The following TNNI3K variants were observed in gnomAD, a reference collection of about 807,000 sequenced individuals.
TNNI3K encodes the protein TNNI3 interacting kinase, also known as serine/threonine-protein kinase TNNI3K.
In TNNI3K, 140 loss-of-function variants were observed where a neutral mutation model predicts 114.5. The ratio of observed to expected loss-of-function variants is 1.22; its 90% CI spans 1.07 to 1.41. The LOEUF is 1.41. TNNI3K is among the 40% of genes most tolerant of loss of function. TNNI3K has a pLI of 0.00. For synonymous variants in TNNI3K, 347 were observed against 347.5 expected (o/e 1.00, Z 0.02); for missense variants, 1,125 against 1,007.6 (o/e 1.12, Z -1.58).
At chr1:74,264,770 T>A (rs1403001518) in intron 4 of TNNI3K, among the ~76,000 whole-genome samples, 1 of 151,934 alleles carries the variant, frequency 6.6e-6, no homozygotes, top group Non-Finnish European at 1.5e-5. Context: ...AAACATCTCT[T>A]GGGACAGAGT....
rs114440757 is a variant in TNNI3K, at chr1:74,520,001, A to G, written c.2352-20233A>G. Among the ~76,000 whole-genome samples the G allele has an allele frequency of 4.2e-3, 642 of 152,150 alleles. 6 individuals are homozygous for G. Among genetic ancestry groups the G allele is most frequent in the East Asian group, 0.015 (79 of 5,158 alleles). On this transcript the variant is annotated intron_variant, in intron 23 of 24. Transcript: ENST00000326637. The stretch of plus-strand genomic sequence containing the variant: ...GGATCTTGCCCAAGCTCATTTATGT[A>G]TTTAATTTTTTATTTCCATAAGTTT...
intron 9 of TNNI3K, among the ~76,000 whole-genome samples, chr1:74,351,324 G>A (rs905904995): frequency 6.6e-6 from 1 of 151,312 alleles, no homozygotes; most frequent in African/African-American, 2.4e-5. Context: ...TAGAGTTTCT[G>A]CCGAGAGATC....
At position 74,292,792 on chromosome 1, in the gene TNNI3K, TCA is replaced by T. The variant is rs1176572349; in HGVS notation, c.444+21086_444+21087del. On this transcript the variant is annotated intron_variant, in intron 5 of 24. Transcript: ENST00000326637. ...TTATCAATTTTGTGTTAAAAATTTT[TCA>T]CCATGATTGTAGATCTTGCTGTTTA... is the stretch of plus-strand genomic sequence containing the variant. Among the ~76,000 whole-genome samples the T allele has an allele frequency of 7.9e-5, 12 of 151,790 alleles. No individual in the cohort carries two copies. In the South Asian group the frequency reaches 2.3e-3, roughly 29 times the overall value.
intron 2 of TNNI3K, among the ~76,000 whole-genome samples, chr1:74,244,047 AAT>A (rs1654403797): frequency 6.6e-6 from 1 of 152,182 alleles, no homozygotes; most frequent in Non-Finnish European, 1.5e-5. Flanking sequence ...TGATTGCTTA[AAT>A]ATCTTGAATA....
At chr1:74,472,537 A>T (rs896685609) in intron 21 of TNNI3K, among the ~76,000 whole-genome samples, 1 of 152,142 alleles carries the variant, frequency 6.6e-6, no homozygotes, top group Non-Finnish European at 1.5e-5. Context: ...GTAAATGGCT[A>T]TAGTAATTTT....
intron 2 of TNNI3K, among the ~76,000 whole-genome samples, chr1:74,246,789 T>G (rs984968704): frequency 6.6e-6 from 1 of 152,182 alleles, no homozygotes; most frequent in Non-Finnish European, 1.5e-5. Flanking sequence ...TTTTTCAATA[T>G]GTATGTCCAA....
intron 5 of TNNI3K, among the ~76,000 whole-genome samples, chr1:74,307,432 A>T (rs1658711094): frequency 6.6e-6 from 1 of 152,126 alleles, no homozygotes; most frequent in African/African-American, 2.4e-5. Flanking sequence ...AAGTAACAGG[A>T]TGGAGAAAGA....
intron 23 of TNNI3K, among the ~76,000 whole-genome samples, chr1:74,515,416 A>G (rs1273156148): frequency 1.3e-5 from 2 of 152,190 alleles, no homozygotes; most frequent in Non-Finnish European, 1.5e-5. Flanking sequence ...AAATAAATAT[A>G]TGGTTAACCA....
rs560727770 is a variant in TNNI3K at position 74,527,789 on chromosome 1, C to T, written c.2352-12445C>T. Among the ~76,000 whole-genome samples, 53 of 152,280 alleles carry T rather than the reference C, an allele frequency of 3.5e-4. No individual in the cohort carries two copies. In the East Asian group the frequency reaches 8.5e-3, roughly 24 times the overall value. On this transcript the variant is annotated intron_variant, in intron 23 of 24. Coordinates refer to ENST00000326637, the MANE Select transcript of TNNI3K (RefSeq NM_015978.3). ...CCCTTCCCTTCATGAATGATTTAGTCCAAAACCATTGGACAGGGCTGAGTA... is the reference window on the plus strand; with the variant it reads ...CCCTTCCCTTCATGAATGATTTAGTTCAAAACCATTGGACAGGGCTGAGTA...
chr1:74,525,758 T>C (rs1646495887), intron 23 of TNNI3K, among the ~76,000 whole-genome samples: 1 of 152,056 alleles, frequency 6.6e-6, no homozygotes. Flanking sequence ...ACAGTCATGG[T>C]CTTGTCAATA....
intron 17 of TNNI3K, among the ~76,000 whole-genome samples, chr1:74,405,053 G>A (rs1392518517): frequency 6.6e-6 from 1 of 150,736 alleles, no homozygotes; most frequent in Non-Finnish European, 1.5e-5. Flanking sequence ...AACAAAATCA[G>A]TGTTTTATGA....
chr1:74,271,925 G>T (rs1470227866), intron 5 of TNNI3K, among the ~76,000 whole-genome samples: 1 of 151,790 alleles, frequency 6.6e-6, no homozygotes, highest in South Asian at 2.1e-4. Context: ...TAACATAAAG[G>T]TAGCTAGATA....
At chr1:74,304,660 G>A (rs1658519586) in intron 5 of TNNI3K, among the ~76,000 whole-genome samples, 1 of 151,986 alleles carries the variant, frequency 6.6e-6, no homozygotes, top group Admixed American at 6.6e-5. Flanking sequence ...TCCCGGGCTT[G>A]TCTCAAACTT....
At chr1:74,446,873 G>A (rs1200601197) in intron 20 of TNNI3K, among the ~76,000 whole-genome samples, 1 of 147,202 alleles carries the variant, frequency 6.8e-6, no homozygotes, top group Non-Finnish European at 1.5e-5. Context: ...TTAATTCTGA[G>A]GGCTCTGTTC....
At chr1:74,457,327 T>C (rs561515040) in intron 20 of TNNI3K, among the ~76,000 whole-genome samples, 1 of 152,312 alleles carries the variant, frequency 6.6e-6, no homozygotes, top group African/African-American at 2.4e-5. Flanking sequence ...ATGGAACAAA[T>C]TAATCTATTC....
intron 17 of TNNI3K, among the ~76,000 whole-genome samples, chr1:74,423,036 T>C (rs768118436): frequency 1.3e-5 from 2 of 152,118 alleles, no homozygotes; most frequent in Non-Finnish European, 1.5e-5. Context: ...TTGAACTGTT[T>C]AGTCACACAT....
rs115466727 is a variant in TNNI3K at position 74,308,175 on chromosome 1, A to T, written c.445-23275A>T. ...ACTTTACCAAATGAACCTAATAGAC[A>T]TCTACAGAATAAGCCGCCTATCAAC... is the stretch of plus-strand genomic sequence containing the variant. On this transcript the variant is annotated intron_variant, in intron 5 of 24. Coordinates refer to ENST00000326637, the MANE Select transcript of TNNI3K (RefSeq NM_015978.3). Among the ~76,000 whole-genome samples, 964 of 152,230 alleles carry T rather than the reference A, an allele frequency of 6.3e-3. 11 individuals are homozygous for T. The highest frequency in any genetic ancestry group is 0.022 in the African/African-American group (920 of 41,528).
intron 20 of TNNI3K, among the ~76,000 whole-genome samples, chr1:74,457,092 T>G (rs1309474214): frequency 6.6e-6 from 1 of 152,156 alleles, no homozygotes; most frequent in East Asian, 1.9e-4. Flanking sequence ...GACTGTTCTT[T>G]GACAAGCGGC....
intron 21 of TNNI3K, chr1:74,483,262 C>T (rs2100267081): frequency 1.4e-6 from 1 of 717,100 alleles, no homozygotes; most frequent in East Asian, 2.7e-5. Flanking sequence ...GTTTTATTAC[C>T]TACTATATAG....
Sources: gnomAD v4.1 joint callset for allele counts (sites outside exome capture counted in the v4.1 genomes callset) on GRCh38, gnomAD v4.1.1 for gene constraint, MANE v1.5 for transcripts, NCBI Gene and HGNC (gene_info 2026-07-23, HGNC 2026-07-21) for gene names.